The following PREX2 variants were observed in gnomAD, a reference collection of about 807,000 sequenced individuals.
PREX2 encodes the protein phosphatidylinositol-3,4,5-trisphosphate dependent Rac exchange factor 2.
PREX2 carries 107 observed loss-of-function variants against 203.2 expected under a neutral mutation model. That is an observed-to-expected ratio of 0.53 (90% CI 0.45 to 0.62). The LOEUF (loss-of-function observed/expected upper bound fraction) is 0.62, where lower values mean the gene tolerates loss of function less well. Ranked by LOEUF, PREX2 falls within the 20% of genes least tolerant of loss-of-function variation. PREX2 has a pLI of 0.00. For missense variants in PREX2, 1,777 were observed against 1,955.9 expected, an observed-to-expected ratio of 0.91 and a Z score of 1.72; for synonymous variants, 672 against 663.6, an observed-to-expected ratio of 1.01 and a Z score of -0.19.
intron 33 of PREX2, among the ~76,000 whole-genome samples, chr8:68,140,399 G>C (rs1563562825): frequency 6.6e-6 from 1 of 152,220 alleles, no homozygotes. Flanking sequence ...CTTATTTTAA[G>C]TTGATGCAGG....
rs1563480399 is a variant in PREX2, at chr8:67,976,706, CGGGAGAGAGACAGAGAGAGAGACAGAG to C, written c.141+24172_141+24198del. On this transcript the variant is annotated intron_variant, in intron 1 of 39. Transcript: ENST00000288368. ...CAGGAGAGAGACAGAGAGAGAGAGA[CGGGAGAGAGACAGAGAGAGAGACAGAG>C]AGAGAGAGAGAGATGCGAGAGAGAC... Among the ~76,000 whole-genome samples the C allele has an allele frequency of 7.1e-3, 481 of 67,830 alleles. 14 individuals are homozygous for C. Among genetic ancestry groups the C allele is most frequent in the African/African-American group, 0.023 (440 of 18,914 alleles). 44.5% of individuals were successfully genotyped at this position (67,830 alleles called of 152,430 possible).
At chr8:68,027,506 A>G (rs750733303) in intron 5 of PREX2, among the ~76,000 whole-genome samples, 183 bp downstream of exon 5, 26 of 152,074 alleles carry the variant, frequency 1.7e-4, no homozygotes, top group Non-Finnish European at 1.8e-4. Context: ...TGTTCAGTGG[A>G]AAAGCCACTG....
chr8:68,137,294 G>T (rs905577663), intron 32 of PREX2, among the ~76,000 whole-genome samples: 3 of 151,854 alleles, frequency 2.0e-5, no homozygotes, highest in East Asian at 1.9e-4. Context: ...AAGAGATGGG[G>T]TCTTGCTCTG....
In PREX2 at chr8:68,234,500, ATAT is replaced by A; in HGVS notation, c.*3125_*3127del. 1 of 152,312 alleles carries A rather than the reference ATAT, an allele frequency of 6.6e-6. No homozygotes were observed. Among genetic ancestry groups the A allele is most frequent in the South Asian group, 2.1e-4 (1 of 4,828 alleles). 9.4% of individuals were successfully genotyped at this position (152,312 alleles called of 1,614,324 possible). ...CTATTATCTCCTATAATTTTTTCTA[ATAT>A]TAATTCCAAATATTACAAAATTTAA... On this transcript the variant is annotated 3_prime_UTR_variant, in exon 40 of 40. Transcript: ENST00000288368.
intron 1 of PREX2, among the ~76,000 whole-genome samples, chr8:67,973,249 C>G (rs933842702): frequency 4.6e-5 from 7 of 152,142 alleles, no homozygotes; most frequent in African/African-American, 1.4e-4. Flanking sequence ...ATGTTTTCAT[C>G]TTTTTATTTC....
intron 3 of PREX2, among the ~76,000 whole-genome samples, 180 bp downstream of exon 3, chr8:68,019,851 A>G (rs1260517546): frequency 1.3e-5 from 2 of 152,206 alleles, no homozygotes; most frequent in African/African-American, 4.8e-5. Context: ...AGTGCCTCAC[A>G]TCATCCATTT....
At chr8:68,184,297 G>A (rs997310747) in intron 35 of PREX2, among the ~76,000 whole-genome samples, 4 of 152,144 alleles carry the variant, frequency 2.6e-5, no homozygotes, top group South Asian at 4.1e-4. Context: ...TTTAGGTGCT[G>A]TAGTAGTAAA....
chr8:68,189,109 CA>C (rs1465866967), intron 35 of PREX2, among the ~76,000 whole-genome samples: 4 of 152,074 alleles, frequency 2.6e-5, no homozygotes, highest in Non-Finnish European at 5.9e-5. Context: ...AAAGGTGAAG[CA>C]AAAGAACAAA....
intron 1 of PREX2, among the ~76,000 whole-genome samples, chr8:67,974,709 A>T (rs996907554): frequency 1.7e-4 from 26 of 152,200 alleles, no homozygotes; most frequent in Admixed American, 6.5e-5. Context: ...ATTAAGAAAA[A>T]GTTACTTAAC....
At chr8:68,135,636 G>C (rs1035708668) in intron 32 of PREX2, among the ~76,000 whole-genome samples, 3 of 152,168 alleles carry the variant, frequency 2.0e-5, no homozygotes, top group African/African-American at 7.2e-5. Flanking sequence ...CTTGTGGGAA[G>C]TGGCACAGCC....
chr8:68,090,435 A>G, intron 19 of PREX2, 144 bp from the exon 20 acceptor site: 1 of 606,084 alleles, frequency 1.6e-6, no homozygotes. Context: ...TTGAGTGGGC[A>G]TTGCTCTCAG....
intron 5 of PREX2, among the ~76,000 whole-genome samples, chr8:68,030,005 A>G (rs918486671): frequency 1.1e-4 from 17 of 152,144 alleles, no homozygotes; most frequent in Non-Finnish European, 2.1e-4. Flanking sequence ...TTGTTGTAGT[A>G]TAAGACATTA....
At chr8:68,005,183 C>T (rs896297568) in intron 1 of PREX2, among the ~76,000 whole-genome samples, 7 of 152,128 alleles carry the variant, frequency 4.6e-5, no homozygotes, top group African/African-American at 1.7e-4. Context: ...TTGCTCGGGC[C>T]CAAAATGTAG....
At chr8:68,160,434 CA>C (rs1483335146) in intron 35 of PREX2, among the ~76,000 whole-genome samples, 18 of 151,914 alleles carry the variant, frequency 1.2e-4, no homozygotes, top group African/African-American at 3.9e-4. Context: ...TATATCAAGG[CA>C]AACCAGAATT....
At position 67,993,209 on chromosome 8, in the gene PREX2, C is replaced by T. The variant is rs184685680; in HGVS notation, c.142-24637C>T. Among the ~76,000 whole-genome samples, 5 of 152,194 alleles carry T rather than the reference C, an allele frequency of 3.3e-5. No individual in the cohort carries two copies. In the East Asian group the frequency reaches 9.7e-4, roughly 29 times the overall value. The stretch of plus-strand genomic sequence containing the variant: ...GTTTTCTCAAGTTAAAACCTTGCTT[C>T]AATTGTATCATCTGACTATACTCAC... On this transcript the variant is annotated intron_variant, in intron 1 of 39. Coordinates refer to ENST00000288368, the MANE Select transcript of PREX2 (RefSeq NM_024870.4).
At chr8:68,192,630 A>C in intron 37 of PREX2, 105 bp downstream of exon 37, 1 of 815,722 alleles carries the variant, frequency 1.2e-6, no homozygotes, top group East Asian at 2.7e-5. Context: ...AAACATTCAA[A>C]GACTCAGGTG....
At chr8:67,969,122 G>A (rs1196433556) in intron 1 of PREX2, among the ~76,000 whole-genome samples, 3 of 152,154 alleles carry the variant, frequency 2.0e-5, no homozygotes, top group Non-Finnish European at 4.4e-5. Context: ...GGCCCTGAGT[G>A]CTGACAGTGC....
intron 23 of PREX2, among the ~76,000 whole-genome samples, chr8:68,104,107 T>C (rs1810342814): frequency 6.6e-6 from 1 of 152,196 alleles, no homozygotes; most frequent in Admixed American, 6.5e-5. Context: ...AAACCTCGAA[T>C]ACACTCTTCA....
At chr8:68,027,396 T>A in intron 5 of PREX2, 73 bp downstream of exon 5, 1 of 986,396 alleles carries the variant, frequency 1.0e-6, no homozygotes, top group Non-Finnish European at 1.6e-6. Flanking sequence ...TTTTAAAAAA[T>A]TATTTTAATG....
Sources: gnomAD v4.1 joint callset for allele counts (sites outside exome capture counted in the v4.1 genomes callset) on GRCh38, gnomAD v4.1.1 for gene constraint, MANE v1.5 for transcripts, NCBI Gene and HGNC (gene_info 2026-07-23, HGNC 2026-07-21) for gene names.